The following ROBO1 variants were observed in gnomAD, a reference collection of about 807,000 sequenced individuals.
ROBO1 encodes the protein roundabout guidance receptor 1.
ROBO1 carries 149 observed loss-of-function variants against 195.9 expected under a neutral mutation model. The ratio of observed to expected loss-of-function variants is 0.76; its 90% CI spans 0.67 to 0.87. The LOEUF is 0.87. Ranked by LOEUF, ROBO1 falls within the 40% of genes least tolerant of loss-of-function variation. The probability of loss-of-function intolerance (pLI) is 0.00; values close to 1 mark genes in which losing one functional copy is unlikely to be tolerated. For missense variants in ROBO1, 1,933 were observed against 2,068.3 expected, an observed-to-expected ratio of 0.93 and a Z score of 1.27; for synonymous variants, 816 against 733.2, an observed-to-expected ratio of 1.11 and a Z score of -1.82.
chr3:79,491,180 T>G (rs1268446869), intron 2 of ROBO1, among the ~76,000 whole-genome samples: 2 of 149,248 alleles, frequency 1.3e-5, no homozygotes, highest in Admixed American at 6.6e-5. Context: ...TGCCATTGCT[T>G]GGGGGGAAAA....
intron 3 of ROBO1, among the ~76,000 whole-genome samples, chr3:79,099,722 G>A (rs1003913707): frequency 1.3e-5 from 2 of 151,756 alleles, no homozygotes; most frequent in African/African-American, 2.4e-5. Context: ...GCAGAGAAGT[G>A]TTGTAATTTA....
chr3:79,226,543 C>CTT (rs112824317), intron 2 of ROBO1, among the ~76,000 whole-genome samples: 5 of 135,726 alleles, frequency 3.7e-5, no homozygotes, highest in Admixed American at 1.5e-4. Context: ...TTCTTTCTTT[C>CTT]TTTTTTTTTT....
chr3:79,390,475 G>C (rs529180469), intron 2 of ROBO1, among the ~76,000 whole-genome samples: 2 of 152,208 alleles, frequency 1.3e-5, no homozygotes, highest in East Asian at 3.9e-4. Flanking sequence ...AAAAAAAGAA[G>C]ACATATGAAA....
At chr3:79,334,095 T>G (rs955305747) in intron 2 of ROBO1, among the ~76,000 whole-genome samples, 4 of 151,620 alleles carry the variant, frequency 2.6e-5, no homozygotes, top group African/African-American at 7.3e-5. Flanking sequence ...CACCTGAGGT[T>G]AGGAGTTGGA....
chr3:79,264,866 G>A (rs1266401748), intron 2 of ROBO1, among the ~76,000 whole-genome samples: 1 of 151,906 alleles, frequency 6.6e-6, no homozygotes, highest in Non-Finnish European at 1.5e-5. Flanking sequence ...ACTAATCTCA[G>A]TTGTATTATA....
chr3:79,300,492 G>A (rs1157625825), intron 2 of ROBO1, among the ~76,000 whole-genome samples: 1 of 152,206 alleles, frequency 6.6e-6, no homozygotes, highest in Non-Finnish European at 1.5e-5. Flanking sequence ...CGCCATGCCT[G>A]AGCCTCCCAC....
Position 78,659,702 on chromosome 3 carries a change from A to T in ROBO1, c.2426T>A (p.Met809Lys). The change falls in exon 17 of 31, where the codon ATG becomes AAG. Residue 809 changes from methionine (M) to lysine (K), a missense_variant. Transcript: ENST00000464233. ...TACTCATACCTTATACTCTTGGACC[A>T]TTCCATTTTGAGTGTCTTCTGGAGG... ...QPPPEDTQNG[M>K]VQEYKVWCLG... The T allele has an allele frequency of 1.3e-6, 2 of 1,552,856 alleles. No individual in the cohort carries two copies. Among genetic ancestry groups the T allele is most frequent in the Non-Finnish European group, 1.7e-6 (2 of 1,146,442 alleles).
intron 2 of ROBO1, among the ~76,000 whole-genome samples, chr3:79,271,850 T>A (rs1263608794): frequency 6.6e-6 from 1 of 152,092 alleles, no homozygotes; most frequent in Non-Finnish European, 1.5e-5. Context: ...TAACTACAAT[T>A]TGAGCCCTTC....
chr3:79,493,770 T>C (rs1395618463), intron 2 of ROBO1, among the ~76,000 whole-genome samples: 1 of 152,150 alleles, frequency 6.6e-6, no homozygotes, highest in Non-Finnish European at 1.5e-5. Context: ...TTGATACAGG[T>C]ATACAATGTG....
At chr3:79,560,558 T>TATATATATACAC (rs5850439) in intron 2 of ROBO1, among the ~76,000 whole-genome samples, 96 of 129,682 alleles carry the variant, frequency 7.4e-4, no homozygotes, top group African/African-American at 2.1e-3. Flanking sequence ...TATATATATA[T>TATATATATACAC]ACACATACAC....
At chr3:79,186,317 ATATC>A (rs2081437245) in intron 2 of ROBO1, among the ~76,000 whole-genome samples, 1 of 151,638 alleles carries the variant, frequency 6.6e-6, no homozygotes, top group Non-Finnish European at 1.5e-5. Flanking sequence ...ATGCACAAGT[ATATC>A]TACACACACA....
At chr3:79,601,134 T>C (rs567324309) in intron 1 of ROBO1, among the ~76,000 whole-genome samples, 1 of 152,064 alleles carries the variant, frequency 6.6e-6, no homozygotes, top group East Asian at 1.9e-4. Flanking sequence ...ACATTAGAGA[T>C]GGAATTCGAA....
chr3:78,918,133 T>A (rs1326847780), intron 4 of ROBO1, among the ~76,000 whole-genome samples: 1 of 152,198 alleles, frequency 6.6e-6, no homozygotes, highest in African/African-American at 2.4e-5. Context: ...CTGTGAATAG[T>A]AGATTTTTAA....
chr3:78,979,072 A>C (rs2076939141), intron 3 of ROBO1, among the ~76,000 whole-genome samples: 1 of 152,184 alleles, frequency 6.6e-6, no homozygotes, highest in Non-Finnish European at 1.5e-5. Context: ...AATTGGTTCA[A>C]TTGGTGAATG....
chr3:79,538,311 C>T (rs1941948448), intron 2 of ROBO1, among the ~76,000 whole-genome samples: 1 of 152,040 alleles, frequency 6.6e-6, no homozygotes, highest in African/African-American at 2.4e-5. Flanking sequence ...AAGAGATACC[C>T]TTCCTTTGAG....
chr3:79,327,374 C>A (rs946765376), intron 2 of ROBO1, among the ~76,000 whole-genome samples: 3 of 151,736 alleles, frequency 2.0e-5, no homozygotes, highest in Admixed American at 2.0e-4. Flanking sequence ...AATTTATTTC[C>A]ATTAAAAAAG....
chr3:79,626,574 CT>C (rs1461446525), intron 1 of ROBO1, among the ~76,000 whole-genome samples: 2 of 152,148 alleles, frequency 1.3e-5, no homozygotes, highest in African/African-American at 4.8e-5. Flanking sequence ...GAAGCATTCC[CT>C]TTGAAAATCA....
chr3:78,727,582 A>G (rs1370837266), intron 5 of ROBO1, among the ~76,000 whole-genome samples: 1 of 152,170 alleles, frequency 6.6e-6, no homozygotes. Flanking sequence ...CCGAGATCGA[A>G]CCACTGTACT....
Position 79,667,327 on chromosome 3 carries a change from T to C in ROBO1, c.-50-77366A>G, listed in dbSNP as rs116492289. 2.4e-3 allele frequency among the ~76,000 whole-genome samples: 359 copies of C among 152,028 alleles called. 1 individual carries two copies. Among genetic ancestry groups the C allele is most frequent in the African/African-American group, 8.5e-3 (353 of 41,546 alleles). ...ACATCAAACCAAATTCAGAATAGTA[T>C]ACTGATCATCAAATGAGCATTTTCT... On this transcript the variant is annotated intron_variant, in intron 1 of 30. Coordinates refer to ENST00000464233, the MANE Select transcript of ROBO1 (RefSeq NM_002941.4).
Sources: gnomAD v4.1 joint callset for allele counts (sites outside exome capture counted in the v4.1 genomes callset) on GRCh38, gnomAD v4.1.1 for gene constraint, MANE v1.5 for transcripts, NCBI Gene and HGNC (gene_info 2026-07-23, HGNC 2026-07-21) for gene names.